SLC22A15: variants seen among roughly 807,000 people sequenced by gnomAD.
SLC22A15 encodes the protein flipt 1.
SLC22A15 carries 45 observed loss-of-function variants against 62.7 expected under a neutral mutation model. That is an observed-to-expected ratio of 0.72 (90% CI 0.56 to 0.92). The LOEUF (loss-of-function observed/expected upper bound fraction) is 0.92, where lower values mean the gene tolerates loss of function less well. Ranked by LOEUF, SLC22A15 falls within the 40% of genes least tolerant of loss-of-function variation. The pLI is 0.00. For missense variants in SLC22A15, 622 were observed against 665.6 expected, an observed-to-expected ratio of 0.93 and a Z score of 0.72; for synonymous variants, 264 against 267.0, an observed-to-expected ratio of 0.99 and a Z score of 0.11.
chr1:116,066,911 A>G, intron 11 of SLC22A15, 108 bp from the exon 12 acceptor site: 1 of 980,500 alleles, frequency 1.0e-6, no homozygotes, highest in Non-Finnish European at 1.6e-6. Context: ...TTCTTGGGGG[A>G]ATGAATGTCA....
intron 8 of SLC22A15, among the ~76,000 whole-genome samples, chr1:116,049,152 G>A (rs1657995523): frequency 6.6e-6 from 1 of 151,988 alleles, no homozygotes; most frequent in Admixed American, 6.6e-5. Context: ...AATAATAATG[G>A]GGGACTTTCA....
chr1:116,057,542 C>G (rs1658246225), intron 8 of SLC22A15, among the ~76,000 whole-genome samples: 1 of 152,164 alleles, frequency 6.6e-6, no homozygotes, highest in South Asian at 2.1e-4. Flanking sequence ...TTTGATCCAG[C>G]CATCCCATTA....
At chr1:116,000,575 C>T (rs569312038) in intron 2 of SLC22A15, among the ~76,000 whole-genome samples, 7 of 148,644 alleles carry the variant, frequency 4.7e-5, no homozygotes, top group African/African-American at 1.7e-4. Context: ...TGTCTGTGTA[C>T]TTAACTATAA....
At chr1:115,990,746 T>A (rs1330872515) in intron 1 of SLC22A15, among the ~76,000 whole-genome samples, 4 of 152,236 alleles carry the variant, frequency 2.6e-5, no homozygotes, top group Middle Eastern at 3.4e-3. Context: ...AATGGAAACA[T>A]CACATCTGTT....
intron 2 of SLC22A15, among the ~76,000 whole-genome samples, chr1:116,001,500 T>C (rs1655727534): frequency 6.6e-6 from 1 of 152,216 alleles, no homozygotes; most frequent in African/African-American, 2.4e-5. Flanking sequence ...TTCTAGATCC[T>C]GTAGGCATGC....
chr1:116,037,469 A>G (rs1405104125), intron 8 of SLC22A15, 81 bp downstream of exon 8: 4 of 1,015,700 alleles, frequency 3.9e-6, no homozygotes, highest in African/African-American at 1.6e-5. Context: ...AGATGACCAT[A>G]TGGCATGCTT....
At chr1:116,008,784 C>T (rs1656108043) in intron 2 of SLC22A15, among the ~76,000 whole-genome samples, 1 of 152,092 alleles carries the variant, frequency 6.6e-6, no homozygotes, top group Non-Finnish European at 1.5e-5. Context: ...TCCTCAGTGC[C>T]CCACAGTTAG....
intron 6 of SLC22A15, 146 bp downstream of exon 6, chr1:116,031,727 T>C (rs1657408539): frequency 6.9e-7 from 1 of 1,449,564 alleles, no homozygotes; most frequent in African/African-American, 1.4e-5. Flanking sequence ...CTCCTGATCC[T>C]TAGCGCCTGG....
chr1:116,030,948 A>T (rs970481385), intron 5 of SLC22A15, among the ~76,000 whole-genome samples: 1 of 152,082 alleles, frequency 6.6e-6, no homozygotes, highest in Admixed American at 6.6e-5. Context: ...ACTTAAAAAA[A>T]CCCATTGTCT....
At chr1:116,038,866 G>C (rs10923963) in intron 8 of SLC22A15, among the ~76,000 whole-genome samples, 147,116 of 152,184 alleles carry the variant, frequency 0.97, 71,311 homozygotes, top group East Asian at 1. Context: ...ATATACACAC[G>C]TGTAACCTAT....
intron 6 of SLC22A15, among the ~76,000 whole-genome samples, chr1:116,033,404 C>G (rs1246258644): frequency 2.0e-5 from 3 of 152,116 alleles, no homozygotes; most frequent in Non-Finnish European, 4.4e-5. Context: ...AGCAGAGGCC[C>G]AGCCCTGGGG....
Position 116,045,738 on chromosome 1 carries a change from C to CAAA in SLC22A15, c.1171+8367_1171+8369dup, listed in dbSNP as rs34360597. Among the ~76,000 whole-genome samples, 752 of 100,802 alleles carry CAAA rather than the reference C, an allele frequency of 7.5e-3. 42 individuals carry two copies. Among genetic ancestry groups the CAAA allele is most frequent in the South Asian group, 0.021 (51 of 2,460 alleles). 66.1% of individuals were successfully genotyped at this position (100,802 alleles called of 152,430 possible). A position where few individuals can be genotyped will look rare whatever the true frequency, so the allele number is the denominator to read the frequency against. On this transcript the variant is annotated intron_variant, in intron 8 of 11. Transcript: ENST00000369503. ...TGGGCTACAGAGTGAGACTCCATCTCAAAAAAAAAAAAAAAAAAAGACTTA... is the reference window on the plus strand; with the variant it reads ...TGGGCTACAGAGTGAGACTCCATCTCAAAAAAAAAAAAAAAAAAAAAAGACTTA...
At chr1:116,041,689 G>A (rs1174687315) in intron 8 of SLC22A15, among the ~76,000 whole-genome samples, 1 of 152,172 alleles carries the variant, frequency 6.6e-6, no homozygotes, top group African/African-American at 2.4e-5. Context: ...TCTGGAATTT[G>A]TTGAGCAAAA....
At position 116,066,666 on chromosome 1, in the gene SLC22A15, G is replaced by A; in HGVS notation, c.1512G>A (p.Leu504=). The change falls in exon 11 of 12, where the codon CTG becomes CTA. Residue 504 remains leucine (L), a synonymous_variant. Coordinates refer to ENST00000369503, the MANE Select transcript of SLC22A15 (RefSeq NM_018420.3). ...SDLQVYSYRR[L]GEEALSLQAL... is the part of the protein sequence containing the mutation. ...TTCAGGTGTATTCGTATCGCAGGCT[G>A]GGAGAAGAAGCATTATCTTTACAGG... is the stretch of plus-strand genomic sequence containing the variant. The A allele has an allele frequency of 6.2e-7, 1 of 1,612,888 alleles. No individual in the cohort carries two copies. Among genetic ancestry groups the A allele is most frequent in the Non-Finnish European group, 8.5e-7 (1 of 1,179,582 alleles).
At chr1:116,041,979 T>C (rs1464109497) in intron 8 of SLC22A15, among the ~76,000 whole-genome samples, 1 of 151,746 alleles carries the variant, frequency 6.6e-6, no homozygotes, top group Non-Finnish European at 1.5e-5. Context: ...GCCATAAAAG[T>C]GCTTAAAAAC....
intron 2 of SLC22A15, among the ~76,000 whole-genome samples, chr1:115,999,464 T>TAAATATA (rs1226831238): frequency 6.6e-6 from 1 of 151,908 alleles, no homozygotes; most frequent in Admixed American, 6.6e-5. Flanking sequence ...CTTCATATAT[T>TAAATATA]TGGGTGCTCC....
chr1:115,992,498 A>G (rs1321885871), intron 2 of SLC22A15, among the ~76,000 whole-genome samples: 2 of 152,224 alleles, frequency 1.3e-5, no homozygotes, highest in East Asian at 3.8e-4. Context: ...AAAGAACAGT[A>G]TGTTGATTAT....
At position 116,037,377 on chromosome 1, in the gene SLC22A15, C is replaced by A. The variant is rs1657659119; in HGVS notation, c.1160C>A (p.Pro387Gln). The stretch of plus-strand genomic sequence containing the variant: ...GCTTGTCTTATTGTAATGTTTCTTC[C>A]AGAAAAGAAAGGTATGCCTTTCAAA... ...GLACLIVMFL[P>Q]EKKDTGVFAV... is the part of the protein sequence containing the mutation. The change falls in exon 8 of 12, where the codon CCA becomes CAA. Residue 387 changes from proline (P) to glutamine (Q), a missense_variant. Transcript: ENST00000369503. 1 of 1,612,568 alleles carries A rather than the reference C, an allele frequency of 6.2e-7. No homozygotes were observed.
intron 4 of SLC22A15, among the ~76,000 whole-genome samples, chr1:116,022,402 C>T (rs557707912): frequency 0.011 from 1,128 of 107,380 alleles, 13 homozygotes; most frequent in African/African-American, 0.028. Flanking sequence ...AAAAGGCACT[C>T]TCTCCTTTGA....
Sources: allele counts gnomAD v4.1 joint callset (sites outside exome capture counted in the v4.1 genomes callset), GRCh38; gene constraint gnomAD v4.1.1; transcripts MANE v1.5; gene names NCBI Gene and HGNC (gene_info 2026-07-23, HGNC 2026-07-21).